Variants in COPS9 observed in about 807,000 individuals in gnomAD.
COPS9 encodes the protein COP9 signalosome subunit 9, also known as COP9 signalosome complex subunit 9.
In COPS9, 8 loss-of-function variants were observed where a neutral mutation model predicts 7.2. The observed-to-expected ratio is 1.11, with a 90% CI of 0.65 to 2.00. The LOEUF (loss-of-function observed/expected upper bound fraction) is 2.00. COPS9 is among the 30% of genes most tolerant of loss of function. The probability of loss-of-function intolerance (pLI) is 0.00; values close to 1 mark genes in which losing one functional copy is unlikely to be tolerated. For synonymous variants in COPS9, 39 were observed against 28.7 expected (o/e 1.36, Z -1.14); for missense variants, 74 against 77.7 (o/e 0.95, Z 0.18).
downstream of COPS9, chr2:240,127,091 T>G (rs2071873858): frequency 1.0e-6 from 1 of 995,844 alleles, no homozygotes; most frequent in Non-Finnish European, 1.4e-6. Context: ...AGGGGAAGGC[T>G]AAGTACAAGG....
intron 2 of COPS9, among the ~76,000 whole-genome samples, chr2:240,131,323 C>G (rs1246800003): frequency 2.0e-5 from 3 of 152,268 alleles, no homozygotes; most frequent in East Asian, 3.9e-4. Flanking sequence ...AAAGACAATC[C>G]TAAGAAAATG....
downstream of COPS9, chr2:240,126,916 C>A (rs2071872142): frequency 1.9e-6 from 3 of 1,613,846 alleles, no homozygotes; most frequent in Non-Finnish European, 2.5e-6. Context: ...AAAGCTGCCA[C>A]TTCTCTCCCG....
chr2:240,131,687 AG>A (rs2106555850), intron 2 of COPS9, among the ~76,000 whole-genome samples: 1 of 152,356 alleles, frequency 6.6e-6, no homozygotes, highest in South Asian at 2.1e-4. Context: ...GATCAAAATC[AG>A]GCCCCCCAGG....
chr2:240,130,119 C>T (rs1382136324), downstream of COPS9: 5 of 1,030,478 alleles, frequency 4.9e-6, no homozygotes, highest in East Asian at 2.6e-5. Flanking sequence ...AGCTGACATT[C>T]GGTTCTGCTT....
intron 2 of COPS9, among the ~76,000 whole-genome samples, chr2:240,131,522 G>GGCTGCC (rs990595555): frequency 6.6e-6 from 1 of 152,196 alleles, no homozygotes; most frequent in Non-Finnish European, 1.5e-5. Context: ...GAAACCAGCC[G>GGCTGCC]GCTGCCGCTG....
At chr2:240,133,726 C>T (rs1032405256) in intron 2 of COPS9, among the ~76,000 whole-genome samples, 2 of 152,224 alleles carry the variant, frequency 1.3e-5, no homozygotes, top group Non-Finnish European at 2.9e-5. Flanking sequence ...CAATTTCATG[C>T]TACTTTTCTC....
chr2:240,133,131 C>CA (rs2071938506), intron 2 of COPS9, among the ~76,000 whole-genome samples: 1 of 152,216 alleles, frequency 6.6e-6, no homozygotes, highest in Non-Finnish European at 1.5e-5. Context: ...GTGGCAAGCT[C>CA]AGGTCCTAGC....
downstream of COPS9, chr2:240,126,804 C>T (rs754723881): frequency 4.5e-5 from 73 of 1,614,110 alleles, no homozygotes; most frequent in Non-Finnish European, 6.0e-5. Flanking sequence ...TTTCCCCTCA[C>T]TTGTTGCTTT....
chr2:240,130,132 G>T, downstream of COPS9: 1 of 860,328 alleles, frequency 1.2e-6, no homozygotes, highest in Non-Finnish European at 1.8e-6. Context: ...TTCTGCTTAA[G>T]ATCTCACCTG....
downstream of COPS9, chr2:240,130,824 CAT>C: frequency 7.1e-7 from 1 of 1,400,996 alleles, no homozygotes; most frequent in Non-Finnish European, 9.2e-7. Context: ...GATCACTCCA[CAT>C]GTGACATTGC....
chr2:240,127,223 G>A (rs1574944723), downstream of COPS9, among the ~76,000 whole-genome samples: 1 of 151,954 alleles, frequency 6.6e-6, no homozygotes, highest in African/African-American at 2.4e-5. Context: ...ACAGGAGCTC[G>A]CTGACCCCCA....
At position 240,132,505 on chromosome 2, in the gene COPS9, C is replaced by T. The variant is rs1445165491; in HGVS notation, c.137-1417G>A. Among the ~76,000 whole-genome samples the T allele has an allele frequency of 6.6e-6, 1 of 152,164 alleles. No individual in the cohort carries two copies. Among genetic ancestry groups the T allele is most frequent in the Admixed American group, 6.5e-5 (1 of 15,276 alleles). On this transcript the variant is annotated intron_variant, in intron 2 of 2. Transcript: ENST00000607357. This position sits in a 1 kb window ranked among gnomAD's most constrained non-coding sequence, Gnocchi z 4.1. The stretch of plus-strand genomic sequence containing the variant: ...TCCCTGACCGGCCGTGGCTCAAAGG[C>T]AGACACGCGCCCACAATGCTCAGGT...
chr2:240,130,735 G>C, downstream of COPS9: 4 of 1,092,944 alleles, frequency 3.7e-6, no homozygotes, highest in Non-Finnish European at 4.6e-6. Flanking sequence ...CGTGCTGACA[G>C]ATGCACGCAC....
chr2:240,136,335 GC>G (rs1345709960), upstream of COPS9: 1 of 1,518,040 alleles, frequency 6.6e-7, no homozygotes, highest in Non-Finnish European at 8.8e-7. Flanking sequence ...GCCGCTTCCG[GC>G]GCGCGCCACA....
chr2:240,130,757 C>T (rs1466963518), downstream of COPS9: 11 of 1,301,982 alleles, frequency 8.4e-6, no homozygotes, highest in Non-Finnish European at 1.1e-5. Flanking sequence ...TGCATGCACA[C>T]ACAAACACAC....
rs2071945710 is a variant in COPS9 at position 240,133,826 on chromosome 2, T to C, written c.136+107A>G. 4 of 1,143,262 alleles carry C rather than the reference T, an allele frequency of 3.5e-6. No homozygotes were observed. The African/African-American group carries it at 4.6e-5, about 13-fold the overall frequency. 70.8% of individuals were successfully genotyped at this position (1,143,262 alleles called of 1,614,324 possible). The stretch of plus-strand genomic sequence containing the variant: ...CATTCTGAGAGGAGCGCAGGGGCTC[T>C]ACCACCTTATGATCCAAATTATTCA... On this transcript the variant is annotated intron_variant, in intron 2 of 2. Transcript: ENST00000607357.
chr2:240,136,136 C>A, intron 1 of COPS9, 86 bp downstream of exon 1: 1 of 1,373,266 alleles, frequency 7.3e-7, no homozygotes, highest in Non-Finnish European at 9.4e-7. Context: ...GCCTCCCCTC[C>A]CCGGGACCCG....
At chr2:240,128,637 C>T (rs952798884), downstream of COPS9, among the ~76,000 whole-genome samples, 1 of 147,634 alleles carries the variant, frequency 6.8e-6, no homozygotes, top group Non-Finnish European at 1.5e-5. Flanking sequence ...GGTATAAAAA[C>T]CGAGAAAATA....
downstream of COPS9, chr2:240,130,808 G>C (rs1559478089): frequency 2.9e-6 from 4 of 1,382,596 alleles, no homozygotes; most frequent in Non-Finnish European, 2.8e-6. Context: ...ATAAGTGCAA[G>C]AAAGAGATCA....
Sources: allele counts gnomAD v4.1 joint callset (sites outside exome capture counted in the v4.1 genomes callset), GRCh38; gene constraint gnomAD v4.1.1; non-coding constraint Gnocchi (gnomAD v3.1); transcripts MANE v1.5; gene names NCBI Gene and HGNC (gene_info 2026-07-23, HGNC 2026-07-21).